RBFOX1: variants seen among roughly 807,000 people sequenced by gnomAD.
RBFOX1 encodes the protein RNA binding protein fox-1 homolog 1.
RBFOX1 carries 8 observed loss-of-function variants against 57.7 expected under a neutral mutation model. The ratio of observed to expected loss-of-function variants is 0.14; its 90% CI spans 0.08 to 0.25. The LOEUF is 0.25. Ranked by LOEUF, RBFOX1 falls within the 10% of genes least tolerant of loss-of-function variation. The pLI is 1.00. For missense variants in RBFOX1, 611 were observed against 548.5 expected (o/e 1.11, Z -1.14); for synonymous variants, 326 against 222.4 (o/e 1.47, Z -4.15).
intron 3 of RBFOX1, among the ~76,000 whole-genome samples, chr16:5,751,368 A>G (rs1337549338): frequency 6.6e-6 from 1 of 151,956 alleles, no homozygotes; most frequent in African/African-American, 2.4e-5. Flanking sequence ...TCTCTCGGGG[A>G]GCTTTCATAC....
Position 5,598,901 on chromosome 16 carries a change from G to C in RBFOX1, c.259-1G>C. On this transcript the variant is annotated splice_acceptor_variant, in intron 2 of 2. Transcript: ENST00000585867. LOFTEE classifies it high-confidence loss of function. ...TTCTCTATTTGTTTGTTTTTTGCCAGGACTACAAGTCTGAAAATTCAACCC... is the reference window on the plus strand; with the variant it reads ...TTCTCTATTTGTTTGTTTTTTGCCACGACTACAAGTCTGAAAATTCAACCC... 1 of 1,505,664 alleles carries C rather than the reference G, an allele frequency of 6.6e-7. No homozygotes were observed. The highest frequency in any genetic ancestry group is 8.8e-7 in the Non-Finnish European group (1 of 1,133,650). The allele number at this position is 1,505,664 out of a possible 1,614,324, so 93.3% of individuals were successfully genotyped here.
In RBFOX1 at chr16:6,557,940, C is replaced by T. The variant is rs530863686; in HGVS notation, c.-63-96663C>T. Reference sequence around the variant, plus strand: ...TATACTGCTTATGGCATGCCCAACTCATCTTAATTAAATTCTTTCTTGCCA... The same window carrying T: ...TATACTGCTTATGGCATGCCCAACTTATCTTAATTAAATTCTTTCTTGCCA... On this transcript the variant is annotated intron_variant, in intron 2 of 15. Coordinates refer to ENST00000550418, the MANE Select transcript of RBFOX1 (RefSeq NM_018723.4). Among the ~76,000 whole-genome samples the T allele has an allele frequency of 9.9e-5, 15 of 152,270 alleles. No individual in the cohort carries two copies. The South Asian group carries it at 2.9e-3, about 29-fold the overall frequency.
At chr16:5,418,158 T>G (rs1417804074) in intron 1 of RBFOX1, among the ~76,000 whole-genome samples, 4 of 152,230 alleles carry the variant, frequency 2.6e-5, no homozygotes, top group Non-Finnish European at 5.9e-5. Context: ...CTCACTGCAT[T>G]AAAACCTTTT....
At chr16:7,488,571 T>A (rs2066039739) in intron 4 of RBFOX1, among the ~76,000 whole-genome samples, 1 of 151,674 alleles carries the variant, frequency 6.6e-6, no homozygotes, top group Non-Finnish European at 1.5e-5. Flanking sequence ...CATCATATGT[T>A]TATCCATTCT....
chr16:6,020,165 TC>T (rs996305991), intron 1 of RBFOX1, among the ~76,000 whole-genome samples, 173 bp downstream of exon 1: 1 of 151,300 alleles, frequency 6.6e-6, no homozygotes, highest in Non-Finnish European at 1.5e-5. Flanking sequence ...TCGAGGCGTG[TC>T]CCCCCCTACC....
At chr16:6,536,953 C>G (rs1039323673) in intron 2 of RBFOX1, among the ~76,000 whole-genome samples, 1 of 152,148 alleles carries the variant, frequency 6.6e-6, no homozygotes, top group Non-Finnish European at 1.5e-5. Flanking sequence ...TCTTCTAATA[C>G]TCTACTAGTC....
In RBFOX1 at chr16:5,939,410, C is replaced by G. The variant is rs541846778; in HGVS notation, c.351+72075C>G. Among the ~76,000 whole-genome samples the G allele has an allele frequency of 3.3e-5, 5 of 152,326 alleles. No individual in the cohort carries two copies. The East Asian group carries it at 7.7e-4, about 24-fold the overall frequency. On this transcript the variant is annotated intron_variant, in intron 4 of 19. Transcript: ENST00000641259. Reference sequence around the variant, plus strand: ...CATGAGTTTGCAGTCATCTGAAGGTCTGACTGGGACTGGGAGAGCTACTCC... The same window carrying G: ...CATGAGTTTGCAGTCATCTGAAGGTGTGACTGGGACTGGGAGAGCTACTCC...
intron 4 of RBFOX1, among the ~76,000 whole-genome samples, chr16:7,060,901 G>C (rs1362242921): frequency 6.6e-6 from 1 of 152,160 alleles, no homozygotes; most frequent in East Asian, 1.9e-4. Context: ...ATCAGCTAAA[G>C]CCAGACTTCA....
At chr16:5,693,804 C>G (rs1056677784) in intron 3 of RBFOX1, among the ~76,000 whole-genome samples, 1 of 152,188 alleles carries the variant, frequency 6.6e-6, no homozygotes, top group Non-Finnish European at 1.5e-5. Flanking sequence ...AAGTAGGCAA[C>G]TTCTCACTCC....
chr16:6,699,118 A>T lies in RBFOX1; in HGVS notation c.-16+44468A>T, dbSNP rs551230844. On this transcript the variant is annotated intron_variant, in intron 3 of 15. Transcript: ENST00000550418. ...GCATGCAGCCATCATCAGTATAAGA[A>T]ACAGCGTCTTCAACCCATTTGAAGT... 5.3e-5 allele frequency among the ~76,000 whole-genome samples: 8 copies of T among 152,248 alleles called. No homozygotes were observed. The East Asian group carries it at 1.5e-3, about 29-fold the overall frequency.
chr16:7,460,837 A>C (rs1026087763), intron 4 of RBFOX1, among the ~76,000 whole-genome samples: 1 of 152,260 alleles, frequency 6.6e-6, no homozygotes, highest in Non-Finnish European at 1.5e-5. Flanking sequence ...TCCCTCCCAA[A>C]ATTTCTGATT....
At chr16:7,654,146 C>A (rs1293909912) in intron 12 of RBFOX1, among the ~76,000 whole-genome samples, 199 bp downstream of exon 12, 8 of 152,166 alleles carry the variant, frequency 5.3e-5, no homozygotes, top group Non-Finnish European at 1.2e-4. Context: ...TTTGTCCTGT[C>A]ATGGTTGGTG....
intron 3 of RBFOX1, among the ~76,000 whole-genome samples, chr16:6,739,793 C>G (rs924162228): frequency 6.6e-6 from 1 of 152,048 alleles, no homozygotes; most frequent in Non-Finnish European, 1.5e-5. Flanking sequence ...AGGAGAATTG[C>G]TTGAACCTGG....
intron 2 of RBFOX1, among the ~76,000 whole-genome samples, chr16:5,551,539 T>C (rs1164142057): frequency 1.3e-5 from 2 of 152,210 alleles, no homozygotes; most frequent in African/African-American, 4.8e-5. Context: ...CACTCTGCTT[T>C]GGGACTGTGT....
chr16:6,122,889 G>A (rs2096562302), intron 1 of RBFOX1, among the ~76,000 whole-genome samples: 1 of 151,182 alleles, frequency 6.6e-6, no homozygotes, highest in African/African-American at 2.4e-5. Context: ...TTCAGGATAA[G>A]TAGAAAAGAT....
chr16:5,447,377 A>ACTCTCTCTCTCTCTCTCT (rs1491576897), intron 1 of RBFOX1, among the ~76,000 whole-genome samples: 22 of 34,584 alleles, frequency 6.4e-4, no homozygotes, highest in East Asian at 1.9e-3. Flanking sequence ...TCAATCAATC[A>ACTCTCTCTCTCTCTCTCT]ATCTCTCTCT....
chr16:6,844,661 C>G (rs1054395199), intron 3 of RBFOX1, among the ~76,000 whole-genome samples: 2 of 152,132 alleles, frequency 1.3e-5, no homozygotes, highest in African/African-American at 4.8e-5. Context: ...GTGCACATAC[C>G]TTTATAAAAG....
intron 2 of RBFOX1, among the ~76,000 whole-genome samples, chr16:6,427,183 G>A (rs939143683): frequency 6.6e-6 from 1 of 152,204 alleles, no homozygotes; most frequent in Non-Finnish European, 1.5e-5. Context: ...GTTATAAAGT[G>A]AAGGTCTGGC....
chr16:6,534,301 TACTC>T (rs1185596195), intron 2 of RBFOX1, among the ~76,000 whole-genome samples: 2 of 152,052 alleles, frequency 1.3e-5, no homozygotes, highest in African/African-American at 2.4e-5. Flanking sequence ...GTGTATAACA[TACTC>T]AGCAAGAGAA....
Sources: allele counts gnomAD v4.1 joint callset (sites outside exome capture counted in the v4.1 genomes callset), GRCh38; gene constraint gnomAD v4.1.1; transcripts MANE v1.5; gene names NCBI Gene and HGNC (gene_info 2026-07-23, HGNC 2026-07-21).